The following ARHGAP22 variants were observed in gnomAD, a reference collection of about 807,000 sequenced individuals.
ARHGAP22 encodes the protein rho GTPase-activating protein 22.
A neutral mutation model predicts 59.1 loss-of-function variants in ARHGAP22; 48 were observed. The observed-to-expected ratio is 0.81, with a 90% CI of 0.64 to 1.03. The LOEUF (loss-of-function observed/expected upper bound fraction) is 1.03. ARHGAP22 is among the 50% of genes least tolerant of loss of function. ARHGAP22 has a pLI of 0.00. For synonymous variants in ARHGAP22, 445 were observed against 416.4 expected (o/e 1.07, Z -0.84); for missense variants, 1,015 against 958.7 (o/e 1.06, Z -0.78).
At chr10:48,542,354 G>A (rs1369920155) in intron 3 of ARHGAP22, among the ~76,000 whole-genome samples, 1 of 152,232 alleles carries the variant, frequency 6.6e-6, no homozygotes, top group African/African-American at 2.4e-5. Flanking sequence ...GAAGGGCTCT[G>A]CATTTAGAAT....
At chr10:48,448,176 C>A (rs987621176) in intron 9 of ARHGAP22, among the ~76,000 whole-genome samples, 1 of 152,216 alleles carries the variant, frequency 6.6e-6, no homozygotes, top group Non-Finnish European at 1.5e-5. Flanking sequence ...CCATTGCCCC[C>A]TCCCCACACA....
At chr10:48,549,189 T>C (rs985632964) in intron 3 of ARHGAP22, among the ~76,000 whole-genome samples, 70 of 152,320 alleles carry the variant, frequency 4.6e-4, no homozygotes, top group African/African-American at 1.6e-3. Context: ...ATCATGTTAA[T>C]TCTATCTCCA....
intron 3 of ARHGAP22, among the ~76,000 whole-genome samples, chr10:48,490,069 C>T (rs1432130139): frequency 2.0e-5 from 3 of 152,094 alleles, no homozygotes; most frequent in African/African-American, 4.8e-5. Flanking sequence ...GGTCCAACGT[C>T]TATGGGTCAA....
intron 4 of ARHGAP22, among the ~76,000 whole-genome samples, chr10:48,462,189 A>G (rs1170105280): frequency 1.5e-5 from 2 of 129,956 alleles, no homozygotes; most frequent in African/African-American, 5.8e-5. Flanking sequence ...GCGCTTATAA[A>G]CGTATGTGCA....
In ARHGAP22 at chr10:48,479,735, C is replaced by T; in HGVS notation, c.352G>A (p.Ala118Thr). ...ATGAGCAGGAGCGCCTCGGGGTTGG[C>T]CGGCACCTTCTCCCGCTCCCCGGCA... ...GGAGEREKVP[A>T]NPEALLLMAS... Residue 118 changes from alanine to threonine, a missense_variant, in exon 4 of 10, where the codon GCC becomes ACC. Ala to Thr is a moderately conservative substitution (Grantham distance 58, BLOSUM62 0). Transcript: ENST00000249601. 1.3e-6 allele frequency: 2 copies of T among 1,598,202 alleles called. No individual in the cohort carries two copies.
At chr10:48,623,348 G>C (rs1023710610) in intron 1 of ARHGAP22, among the ~76,000 whole-genome samples, 2 of 152,232 alleles carry the variant, frequency 1.3e-5, no homozygotes, top group Non-Finnish European at 2.9e-5. Flanking sequence ...TCACAGTTTT[G>C]ATTCTAGCTC....
intron 1 of ARHGAP22, among the ~76,000 whole-genome samples, chr10:48,632,293 A>T (rs2061654891): frequency 6.6e-6 from 1 of 152,368 alleles, no homozygotes; most frequent in African/African-American, 2.4e-5. Flanking sequence ...TGCAAAAGAC[A>T]TTATTTCATT....
At position 48,450,937 on chromosome 10, in the gene ARHGAP22, C is replaced by T. The variant is rs771493613; in HGVS notation, c.1192G>A (p.Gly398Arg). The T allele has an allele frequency of 2.5e-6, 4 of 1,587,248 alleles. No individual in the cohort carries two copies. The highest frequency in any genetic ancestry group is 1.1e-5 in the South Asian group (1 of 87,232). ...LPAHRTSSLD[G>R]AAVAVLSRTA... ...CTGGAGAGCACCGCCACGGCCGCCC[C>T]GTCCAGGGAAGAGGTCCTGTGCGCG... The change falls in exon 9 of 10, where the codon GGG becomes AGG. Residue 398 changes from glycine to arginine, a missense_variant. Physicochemically the swap from Gly to Arg is moderately radical, Grantham distance 125. Transcript: ENST00000249601.
chr10:48,580,517 G>A (rs2059043576), intron 2 of ARHGAP22, among the ~76,000 whole-genome samples: 1 of 152,190 alleles, frequency 6.6e-6, no homozygotes, highest in Non-Finnish European at 1.5e-5. Flanking sequence ...GTTCCGAGGA[G>A]GCAGTGCTGT....
In ARHGAP22 at chr10:48,479,712, G is replaced by A. The variant is rs1318723995; in HGVS notation, c.375C>T (p.Leu125=). ...KVPANPEALL[L]MASSQRDMED... is the part of the protein sequence containing the mutation. ...CCATGTCACGCTGGGAGCTGGCCAT[G>A]AGCAGGAGCGCCTCGGGGTTGGCCG... Residue 125 remains leucine, a synonymous_variant, in exon 4 of 10, where the codon CTC becomes CTT. Coordinates refer to ENST00000249601, the MANE Select transcript of ARHGAP22 (RefSeq NM_021226.4). 8.7e-6 allele frequency: 14 copies of A among 1,608,414 alleles called. No homozygotes were observed. Among genetic ancestry groups the A allele is most frequent in the East Asian group, 2.2e-5 (1 of 44,732 alleles).
At chr10:48,602,165 G>C (rs1167130098) in intron 1 of ARHGAP22, among the ~76,000 whole-genome samples, 1 of 152,088 alleles carries the variant, frequency 6.6e-6, no homozygotes, top group African/African-American at 2.4e-5. Flanking sequence ...CTTTCTTGTG[G>C]GACAATCACA....
chr10:48,581,493 T>A (rs1173221153), intron 2 of ARHGAP22, among the ~76,000 whole-genome samples: 1 of 152,240 alleles, frequency 6.6e-6, no homozygotes, highest in Non-Finnish European at 1.5e-5. Context: ...ACTTAACTAC[T>A]TAGAGTTCTC....
intron 1 of ARHGAP22, among the ~76,000 whole-genome samples, chr10:48,602,832 C>A (rs527896895): frequency 1.3e-5 from 2 of 152,324 alleles, no homozygotes; most frequent in South Asian, 4.1e-4. Context: ...AGAGATGGAG[C>A]AGAGGATCCA....
chr10:48,625,689 C>T (rs925662427), intron 1 of ARHGAP22, among the ~76,000 whole-genome samples: 14 of 131,554 alleles, frequency 1.1e-4, no homozygotes, highest in African/African-American at 3.4e-4. Context: ...CTCCCTGCAA[C>T]GTGTACACAC....
chr10:48,587,633 G>A (rs1262040752), intron 1 of ARHGAP22, among the ~76,000 whole-genome samples: 1 of 152,190 alleles, frequency 6.6e-6, no homozygotes, highest in Non-Finnish European at 1.5e-5. Flanking sequence ...ATCTTCAAGG[G>A]CTATGGAGAA....
rs559729177 is a variant in ARHGAP22 at position 48,638,353 on chromosome 10, T to C, written c.52+13881A>G. Among the ~76,000 whole-genome samples the C allele has an allele frequency of 6.6e-5, 10 of 152,288 alleles. No individual in the cohort carries two copies. The South Asian group carries it at 2.1e-3, about 32-fold the overall frequency. ...GGCCTGCCATTGTTCCACCTTCCCA[T>C]GAAGCCTTGGGCAGCTTCTTCAACT... On this transcript the variant is annotated intron_variant, in intron 1 of 9. Transcript: ENST00000435790.
chr10:48,607,275 G>T (rs1026619323), upstream of ARHGAP22, among the ~76,000 whole-genome samples: 1 of 152,196 alleles, frequency 6.6e-6, no homozygotes, highest in Admixed American at 6.5e-5. Flanking sequence ...AAGTCACTGT[G>T]TTCACTCGCC....
Position 48,582,965 on chromosome 10 carries a change from C to G in ARHGAP22, c.222G>C (p.Glu74Asp). The change falls in exon 2 of 10, where the codon GAG becomes GAC. Residue 74 changes from glutamate to aspartate, a missense_variant. By Grantham distance (45) the Glu-to-Asp change is conservative. Coordinates refer to ENST00000249601, the MANE Select transcript of ARHGAP22 (RefSeq NM_021226.4). ...DQLFYYKDKD[E>D]IKPQGFISLQ... Reference sequence around the variant, plus strand: ...ATGCACTTCTCACCTGGGGCTTGATCTCATCTTTGTCCTTGTAGTAGAAAA... The same window carrying G: ...ATGCACTTCTCACCTGGGGCTTGATGTCATCTTTGTCCTTGTAGTAGAAAA... 6.2e-7 allele frequency: 1 copy of G among 1,614,274 alleles called. No homozygotes were observed. Among genetic ancestry groups the G allele is most frequent in the South Asian group, 1.1e-5 (1 of 91,088 alleles).
intron 1 of ARHGAP22, among the ~76,000 whole-genome samples, chr10:48,593,856 G>A (rs1209273748): frequency 6.6e-6 from 1 of 152,180 alleles, no homozygotes; most frequent in African/African-American, 2.4e-5. Context: ...TATTCTCAGC[G>A]GGTGCTCGTG....
Sources: gnomAD v4.1 joint callset for allele counts (sites outside exome capture counted in the v4.1 genomes callset) on GRCh38, gnomAD v4.1.1 for gene constraint, MANE v1.5 for transcripts, NCBI Gene and HGNC (gene_info 2026-07-23, HGNC 2026-07-21) for gene names.